Variants in PAX8 observed in about 807,000 individuals in gnomAD.
PAX8 encodes the protein paired box 8.
PAX8 carries 15 observed loss-of-function variants against 52.4 expected under a neutral mutation model. The observed-to-expected ratio is 0.29, with a 90% confidence interval of 0.19 to 0.44. The LOEUF is 0.44. Ranked by LOEUF, PAX8 falls within the 20% of genes least tolerant of loss-of-function variation. The probability of loss-of-function intolerance (pLI) is 1.00; values close to 1 mark genes in which losing one functional copy is unlikely to be tolerated. For missense variants in PAX8, 554 were observed against 602.5 expected, an observed-to-expected ratio of 0.92 and a Z score of 0.84; for synonymous variants, 284 against 249.7, an observed-to-expected ratio of 1.14 and a Z score of -1.29.
chr2:113,250,266 CAA>C (rs35799959), intron 2 of PAX8, among the ~76,000 whole-genome samples: 1,078 of 102,952 alleles, frequency 0.01, 16 homozygotes, highest in African/African-American at 0.033. Context: ...GACTCCATCT[CAA>C]AAAAAAAAAA....
At chr2:113,240,870 T>G (rs962484237) in intron 7 of PAX8, 1 of 161,366 alleles carries the variant, frequency 6.2e-6, no homozygotes, top group Admixed American at 5.7e-5. Context: ...TCTTTGTACC[T>G]GTCTGTCTGC....
intron 2 of PAX8, chr2:113,274,689 A>G (rs1379753540): frequency 6.6e-6 from 1 of 152,222 alleles, no homozygotes; most frequent in Non-Finnish European, 1.5e-5. Flanking sequence ...TCACCTTTAT[A>G]CCCAACTCCA....
intron 11 of PAX8, among the ~76,000 whole-genome samples, chr2:113,219,789 C>G (rs185386762): frequency 6.6e-6 from 1 of 152,282 alleles, no homozygotes; most frequent in East Asian, 1.9e-4. Context: ...CTCAAGTCCT[C>G]CCTTGTCCTC....
intron 10 of PAX8, chr2:113,226,851 G>A (rs1689609044): frequency 7.7e-7 from 1 of 1,298,370 alleles, no homozygotes; most frequent in Non-Finnish European, 9.9e-7. Flanking sequence ...TGATTCACTG[G>A]AAGAAGTGGT....
chr2:113,244,721 G>T, intron 3 of PAX8, 97 bp from the exon 4 acceptor site: 1 of 1,132,586 alleles, frequency 8.8e-7, no homozygotes. Context: ...GAGGCTTCTG[G>T]GTAGGGGTAT....
intron 2 of PAX8, chr2:113,269,543 C>G (rs1051203386): frequency 1.3e-5 from 2 of 152,186 alleles, no homozygotes; most frequent in Non-Finnish European, 2.9e-5. Flanking sequence ...CTACCTTGCT[C>G]AGTGTTGAAG....
At chr2:113,257,914 G>C (rs189232594) in intron 2 of PAX8, among the ~76,000 whole-genome samples, 2 of 152,274 alleles carry the variant, frequency 1.3e-5, no homozygotes, top group East Asian at 3.9e-4. Context: ...GAGAAGATGA[G>C]GAACAGATTC....
rs2104455472 is a variant in PAX8 at position 113,235,377 on chromosome 2, G to A, written c.1087+17C>T. On this transcript the variant is annotated intron_variant, in intron 9 of 11. Coordinates refer to ENST00000429538, the MANE Select transcript of PAX8 (RefSeq NM_003466.4). Reference sequence around the variant, plus strand: ...CCGCCGCCATAGCTGCATGGCCCCGGGACCTCCCTGTCGTACCTGAGAGGA... The same window carrying A: ...CCGCCGCCATAGCTGCATGGCCCCGAGACCTCCCTGTCGTACCTGAGAGGA... The A allele has an allele frequency of 1.9e-6, 3 of 1,556,106 alleles. No individual in the cohort carries two copies. The highest frequency in any genetic ancestry group is 2.4e-5 in the East Asian group (1 of 41,546).
chr2:113,249,175 G>A (rs1190523889), intron 2 of PAX8, among the ~76,000 whole-genome samples: 1 of 152,260 alleles, frequency 6.6e-6, no homozygotes, highest in Non-Finnish European at 1.5e-5. Context: ...AGGGCTGGAA[G>A]AGTGCTTGGA....
intron 10 of PAX8, 117 bp downstream of exon 10, chr2:113,227,038 C>A (rs768095742): frequency 4.9e-5 from 75 of 1,534,354 alleles, no homozygotes; most frequent in Non-Finnish European, 6.1e-5. Context: ...GTCCATCCTT[C>A]AATGCCCTTT....
intron 10 of PAX8, 63 bp downstream of exon 10, chr2:113,227,092 G>A: frequency 6.5e-7 from 1 of 1,539,954 alleles, no homozygotes; most frequent in Non-Finnish European, 8.7e-7. Flanking sequence ...TGCTCCTTGT[G>A]TCCCACCTTG....
rs1213987599 is a variant in PAX8, at chr2:113,227,221, G to A, written c.1123C>T (p.Pro375Ser). The change falls in exon 10 of 12, where the codon CCA becomes TCA. Residue 375 changes from proline (P) to serine (S), a missense_variant. Around this residue, in one of 2 missense-constraint regions of PAX8, gnomAD observed 445 missense variants for 409.9 expected, o/e 1.09. Transcript: ENST00000429538. ...EMVGPTLPGY[P>S]PHIPTSGQGS... The stretch of plus-strand genomic sequence containing the variant: ...TGTCCGCTGGTGGGGATGTGGGGTG[G>A]GTATCCGGGCAGCGTGGGCCCCACC... 6.2e-7 allele frequency: 1 copy of A among 1,611,100 alleles called. No homozygotes were observed. The highest frequency in any genetic ancestry group is 8.5e-7 in the Non-Finnish European group (1 of 1,179,038).
At chr2:113,263,084 C>G (rs1300698276) in intron 2 of PAX8, among the ~76,000 whole-genome samples, 1 of 152,214 alleles carries the variant, frequency 6.6e-6, no homozygotes, top group African/African-American at 2.4e-5. Context: ...CCAAATGACT[C>G]TTAAGTGTAA....
chr2:113,262,764 A>G (rs898176522), intron 2 of PAX8, among the ~76,000 whole-genome samples: 10 of 152,230 alleles, frequency 6.6e-5, no homozygotes, highest in Admixed American at 1.3e-4. Flanking sequence ...TCACAAGCCA[A>G]GGAATGCCAA....
intron 2 of PAX8, 81 bp from the exon 3 acceptor site, chr2:113,247,000 G>GGTGT: frequency 7.9e-7 from 1 of 1,262,086 alleles, no homozygotes; most frequent in Admixed American, 2.0e-5. Context: ...TACAGGTGCT[G>GGTGT]GTGTGTGTGT....
chr2:113,262,416 G>A (rs73955192), intron 2 of PAX8, among the ~76,000 whole-genome samples: 9,817 of 152,220 alleles, frequency 0.064, 503 homozygotes, highest in African/African-American at 0.13. Flanking sequence ...AGGTTCTGGA[G>A]GATGGATGTC....
At chr2:113,233,632 C>A (rs191130053) in intron 9 of PAX8, among the ~76,000 whole-genome samples, 26 of 149,654 alleles carry the variant, frequency 1.7e-4, no homozygotes, top group Admixed American at 1.5e-3. Context: ...GAGCTGAGAT[C>A]GCGCCACTGC....
chr2:113,233,169 T>A lies in PAX8; in HGVS notation c.1087+2225A>T, dbSNP rs144232452. Among the ~76,000 whole-genome samples the A allele has an allele frequency of 1.3e-3, 198 of 151,628 alleles. 1 individual carries two copies. The highest frequency in any genetic ancestry group is 4.2e-3 in the African/African-American group (175 of 41,334). ...GGTTTTGCTCTTTTCATCACTTTGG[T>A]CAAAACAAATGACCCATCTCTGCTG... On this transcript the variant is annotated intron_variant, in intron 9 of 11. Coordinates refer to ENST00000429538, the MANE Select transcript of PAX8 (RefSeq NM_003466.4).
At chr2:113,225,058 T>C (rs1342503693) in intron 10 of PAX8, among the ~76,000 whole-genome samples, 2 of 152,210 alleles carry the variant, frequency 1.3e-5, no homozygotes, top group Non-Finnish European at 2.9e-5. Context: ...CCACTTAGTA[T>C]GATTATGACC....
Sources: gnomAD v4.1 joint callset for allele counts (sites outside exome capture counted in the v4.1 genomes callset) on GRCh38, gnomAD v4.1.1 for gene constraint, gnomAD v4.1.1 regional missense constraint, MANE v1.5 for transcripts, NCBI Gene and HGNC (gene_info 2026-07-23, HGNC 2026-07-21) for gene names.